The following OTUD7A variants were observed in gnomAD, a reference collection of about 807,000 sequenced individuals.
OTUD7A encodes the protein OTU domain-containing protein 7A.
A neutral mutation model predicts 65.7 loss-of-function variants in OTUD7A; 12 were observed. The ratio of observed to expected loss-of-function variants is 0.18; its 90% CI spans 0.12 to 0.30. The LOEUF (loss-of-function observed/expected upper bound fraction) is 0.30, where lower values mean the gene tolerates loss of function less well. Ranked by LOEUF, OTUD7A falls within the 10% of genes least tolerant of loss-of-function variation. The pLI is 1.00. For missense variants in OTUD7A, 1,148 were observed against 1,304.8 expected, an observed-to-expected ratio of 0.88 and a Z score of 1.85; for synonymous variants, 641 against 586.3, an observed-to-expected ratio of 1.09 and a Z score of -1.35.
chr15:31,767,566 T>C (rs1479636746), intron 1 of OTUD7A: 2 of 806,934 alleles, frequency 2.5e-6, no homozygotes, highest in East Asian at 2.4e-5. Flanking sequence ...GGGGAATTAC[T>C]TGTTTTGGAT....
intron 1 of OTUD7A, among the ~76,000 whole-genome samples, chr15:31,737,158 T>C (rs1289093330): frequency 6.6e-6 from 1 of 152,122 alleles, no homozygotes; most frequent in Non-Finnish European, 1.5e-5. Flanking sequence ...ATAAAAATAA[T>C]AGAAATATTT....
At chr15:31,584,171 G>T (rs1215888098) in intron 3 of OTUD7A, among the ~76,000 whole-genome samples, 2 of 152,222 alleles carry the variant, frequency 1.3e-5, no homozygotes, top group African/African-American at 4.8e-5. Flanking sequence ...AGGTATAGCT[G>T]TGGAGTCACA....
intron 2 of OTUD7A, among the ~76,000 whole-genome samples, chr15:31,656,336 G>C (rs1395730696): frequency 6.6e-6 from 1 of 152,076 alleles, no homozygotes; most frequent in Non-Finnish European, 1.5e-5. Flanking sequence ...TAAGAGGTCT[G>C]CAAGTTATAG....
At chr15:31,519,784 T>C (rs781107028) in intron 8 of OTUD7A, among the ~76,000 whole-genome samples, 8 of 152,202 alleles carry the variant, frequency 5.3e-5, no homozygotes, top group Non-Finnish European at 1.0e-4. Flanking sequence ...TTATATTTGA[T>C]ACACAAATTT....
intron 1 of OTUD7A, among the ~76,000 whole-genome samples, chr15:31,738,344 G>C (rs947048485): frequency 2.7e-4 from 41 of 152,118 alleles, no homozygotes; most frequent in African/African-American, 9.9e-4. Flanking sequence ...AAAGAGGAGA[G>C]GTGAAGAATT....
chr15:31,669,470 G>A (rs1182720252), intron 1 of OTUD7A, among the ~76,000 whole-genome samples: 6 of 152,206 alleles, frequency 3.9e-5, no homozygotes, highest in Admixed American at 3.9e-4. Flanking sequence ...CTGCCATGCA[G>A]TCCGAAGGGC....
intron 1 of OTUD7A, among the ~76,000 whole-genome samples, chr15:31,853,624 G>A (rs545105075): frequency 2.9e-4 from 44 of 151,892 alleles, no homozygotes; most frequent in African/African-American, 9.0e-4. Flanking sequence ...TCAGCCTGTG[G>A]ACTCGGCCTT....
chr15:31,795,179 T>G (rs1234219478), intron 1 of OTUD7A, among the ~76,000 whole-genome samples: 1 of 152,192 alleles, frequency 6.6e-6, no homozygotes, highest in Non-Finnish European at 1.5e-5. Context: ...ACAGACTCAG[T>G]TCCTTTGGGG....
intron 1 of OTUD7A, among the ~76,000 whole-genome samples, chr15:31,807,173 G>A (rs150744494): frequency 1.3e-5 from 2 of 152,260 alleles, no homozygotes; most frequent in East Asian, 3.9e-4. Context: ...AAGCTCAATA[G>A]AGTCAATAAC....
At chr15:31,860,677 G>GTATATATATGTATGTA (rs1897708150) in intron 1 of OTUD7A, among the ~76,000 whole-genome samples, 1 of 73,284 alleles carries the variant, frequency 1.4e-5, no homozygotes, top group African/African-American at 4.6e-5. Flanking sequence ...ATGTATGTGT[G>GTATATATATGTATGTA]TATATATATA....
At position 31,527,178 on chromosome 15, in the gene OTUD7A, A is replaced by G. The variant is rs369211035; in HGVS notation, c.780+3T>C. ...GGCTCTGGCCATGCCAGTGGATACC[A>G]ACCTCCTTATTCTGCTGCGTCTGCT... is the stretch of plus-strand genomic sequence containing the variant. On this transcript the variant is annotated splice_donor_region_variant and intron_variant, in intron 7 of 12. Transcript: ENST00000307050. 51 of 1,613,838 alleles carry G rather than the reference A, an allele frequency of 3.2e-5. No homozygotes were observed. The highest frequency in any genetic ancestry group is 4.3e-5 in the Non-Finnish European group (51 of 1,179,952).
rs2041512373 is a variant in OTUD7A at position 31,503,784 on chromosome 15, G to A, written c.928C>T (p.Leu310=). 1 of 1,614,194 alleles carries A rather than the reference G, an allele frequency of 6.2e-7. No individual in the cohort carries two copies. The highest frequency in any genetic ancestry group is 1.3e-5 in the African/African-American group (1 of 75,064). ...AGGACAAAAACGTGGAACTCTTCCA[G>A]GCTCTCGTACACGGGGTCCTCAGAG... ...DNSEDPVYES[L]EEFHVFVLAH... The change falls in exon 9 of 13, where the codon CTG becomes TTG. Residue 310 remains leucine, a synonymous_variant. Coordinates refer to ENST00000307050, the MANE Select transcript of OTUD7A (RefSeq NM_001382637.1).
chr15:31,627,104 T>G (rs1215603936), intron 3 of OTUD7A, among the ~76,000 whole-genome samples: 1 of 151,994 alleles, frequency 6.6e-6, no homozygotes, highest in Non-Finnish European at 1.5e-5. Context: ...TTATTATTAT[T>G]ATACTTTTAA....
chr15:31,725,106 C>T (rs1893847673), intron 1 of OTUD7A, among the ~76,000 whole-genome samples: 1 of 152,130 alleles, frequency 6.6e-6, no homozygotes, highest in Non-Finnish European at 1.5e-5. Flanking sequence ...CACATGACTA[C>T]AGGTAGGAAG....
intron 3 of OTUD7A, among the ~76,000 whole-genome samples, chr15:31,598,715 G>A (rs976415336): frequency 6.6e-6 from 1 of 152,172 alleles, no homozygotes; most frequent in South Asian, 2.1e-4. Flanking sequence ...CTGGCTCAGT[G>A]GGTCCCACCC....
chr15:31,655,729 G>A (rs1346843812), intron 2 of OTUD7A, among the ~76,000 whole-genome samples: 1 of 152,060 alleles, frequency 6.6e-6, no homozygotes, highest in Non-Finnish European at 1.5e-5. Flanking sequence ...TAAGGCAAGG[G>A]GTCATCACTA....
chr15:31,526,735 T>C (rs1162293738), intron 7 of OTUD7A, among the ~76,000 whole-genome samples: 1 of 152,194 alleles, frequency 6.6e-6, no homozygotes, highest in Non-Finnish European at 1.5e-5. Context: ...AACCTGTGCC[T>C]GCACCTAACT....
At chr15:31,582,616 A>T (rs974912803) in intron 3 of OTUD7A, among the ~76,000 whole-genome samples, 4 of 151,074 alleles carry the variant, frequency 2.6e-5, no homozygotes, top group African/African-American at 9.7e-5. Flanking sequence ...GGGAACTCTC[A>T]TTTATATAAC....
intron 1 of OTUD7A, among the ~76,000 whole-genome samples, chr15:31,822,357 T>A (rs1156278589): frequency 1.3e-5 from 2 of 152,312 alleles, no homozygotes; most frequent in African/African-American, 4.8e-5. Flanking sequence ...CTGGGAACCC[T>A]TGGGCATCAC....
Sources: gnomAD v4.1 joint callset for allele counts (sites outside exome capture counted in the v4.1 genomes callset) on GRCh38, gnomAD v4.1.1 for gene constraint, MANE v1.5 for transcripts, NCBI Gene and HGNC (gene_info 2026-07-23, HGNC 2026-07-21) for gene names.